GPD2: variants seen among roughly 807,000 people sequenced by gnomAD.
The protein encoded by GPD2 is glycerol-3-phosphate dehydrogenase 2, also known as glycerol-3-phosphate dehydrogenase, mitochondrial.
GPD2 carries 54 observed loss-of-function variants against 82.4 expected under a neutral mutation model. The ratio of observed to expected loss-of-function variants is 0.66; its 90% CI spans 0.53 to 0.82. The LOEUF (loss-of-function observed/expected upper bound fraction) is 0.82. GPD2 is among the 40% of genes least tolerant of loss of function. The probability of loss-of-function intolerance (pLI) is 0.00; values close to 1 mark genes in which losing one functional copy is unlikely to be tolerated. For synonymous variants in GPD2, 288 were observed against 306.1 expected, an observed-to-expected ratio of 0.94 and a Z score of 0.62; for missense variants, 748 against 896.2, an observed-to-expected ratio of 0.83 and a Z score of 2.11.
intron 1 of GPD2, among the ~76,000 whole-genome samples, chr2:156,454,848 T>A (rs1682733212): frequency 6.6e-6 from 1 of 152,056 alleles, no homozygotes; most frequent in Non-Finnish European, 1.5e-5. Context: ...TGTTGCTTAG[T>A]GGCCAGGGGT....
chr2:156,425,155 G>C, the GPD2 span, among the ~76,000 whole-genome samples: 1 of 151,080 alleles, frequency 6.6e-6, no homozygotes, highest in Non-Finnish European at 1.5e-5. Flanking sequence ...GGAGTGCAGT[G>C]GTGTAATCCT....
At chr2:156,497,963 A>G (rs1477404579) in intron 3 of GPD2, among the ~76,000 whole-genome samples, 1 of 152,174 alleles carries the variant, frequency 6.6e-6, no homozygotes, top group African/African-American at 2.4e-5. Flanking sequence ...AGGCCTGGGA[A>G]AGAAGGTGGA....
At chr2:156,496,447 A>G (rs1684383745) in intron 3 of GPD2, among the ~76,000 whole-genome samples, 1 of 151,060 alleles carries the variant, frequency 6.6e-6, no homozygotes, top group Admixed American at 6.6e-5. Context: ...ATGTGTTCCC[A>G]TTGTTCAGCT....
intron 3 of GPD2, among the ~76,000 whole-genome samples, chr2:156,497,004 T>C (rs1221088813): frequency 1.3e-5 from 2 of 152,184 alleles, no homozygotes; most frequent in Non-Finnish European, 2.9e-5. Context: ...AAACGAGACA[T>C]GTAATGAAAG....
rs113791178 is a variant in GPD2, at chr2:156,575,336, G to A, written c.1768-3553G>A. 6.6e-5 allele frequency among the ~76,000 whole-genome samples: 10 copies of A among 151,898 alleles called. 1 individual carries two copies. The highest frequency in any genetic ancestry group is 1.9e-4 in the African/African-American group (8 of 41,434). ...GCATTTATCAAGAAATAGTGATCACGGAAGCTAGTAAGGAATCACTTAGGC... is the reference window on the plus strand; with the variant it reads ...GCATTTATCAAGAAATAGTGATCACAGAAGCTAGTAAGGAATCACTTAGGC... On this transcript the variant is annotated intron_variant, in intron 13 of 16. Coordinates refer to ENST00000438166, the MANE Select transcript of GPD2 (RefSeq NM_000408.5).
intron 1 of GPD2, among the ~76,000 whole-genome samples, chr2:156,446,500 A>G (rs1242616862): frequency 6.6e-6 from 1 of 152,120 alleles, no homozygotes; most frequent in Non-Finnish European, 1.5e-5. Context: ...TGGCACATGT[A>G]GTCTAGCTGC....
intron 9 of GPD2, among the ~76,000 whole-genome samples, chr2:156,565,537 C>T (rs1464329308): frequency 6.6e-6 from 1 of 152,072 alleles, no homozygotes; most frequent in East Asian, 1.9e-4. Context: ...GTATTGTCTC[C>T]AGTTAGTAAG....
chr2:156,462,435 A>G (rs569899048), intron 1 of GPD2, among the ~76,000 whole-genome samples: 131 of 149,922 alleles, frequency 8.7e-4, no homozygotes, highest in African/African-American at 3.1e-3. Flanking sequence ...CCAGGCATGC[A>G]ACACCACACC....
intron 2 of GPD2, among the ~76,000 whole-genome samples, chr2:156,480,379 A>C (rs1419235395): frequency 6.6e-6 from 1 of 152,150 alleles, no homozygotes; most frequent in East Asian, 1.9e-4. Context: ...CAGGGATTTC[A>C]CACGGGGCTA....
chr2:156,556,797 G>A (rs1367774733), intron 8 of GPD2, among the ~76,000 whole-genome samples: 5 of 152,016 alleles, frequency 3.3e-5, no homozygotes, highest in African/African-American at 4.8e-5. Flanking sequence ...TTGTAACCTC[G>A]AAATAAAGTA....
In GPD2 at chr2:156,557,388, GC is replaced by G; in HGVS notation, c.974del (p.Pro325GlnfsTer25). ...GVHIVMPGYY[S>X]PESMGLLDPA... Reference sequence around the variant, plus strand: ...ATAAATAATCCTTCTTTGTATCTCAGCCCAGAGAGCATGGGACTTCTTGACC... The same window carrying G: ...ATAAATAATCCTTCTTTGTATCTCAGCCAGAGAGCATGGGACTTCTTGACC... On this transcript the variant is annotated frameshift_variant and splice_region_variant, in exon 9 of 17. Coordinates refer to ENST00000438166, the MANE Select transcript of GPD2 (RefSeq NM_000408.5). LOFTEE classifies it high-confidence loss of function. 1 of 1,575,054 alleles carries G rather than the reference GC, an allele frequency of 6.3e-7. No individual in the cohort carries two copies. The highest frequency in any genetic ancestry group is 8.7e-7 in the Non-Finnish European group (1 of 1,145,100).
chr2:156,579,568 C>A, intron 15 of GPD2, 122 bp from the exon 16 acceptor site: 1 of 668,042 alleles, frequency 1.5e-6, no homozygotes, highest in Non-Finnish European at 2.8e-6. Context: ...CTGACCTCAA[C>A]TAATCTGCCT....
In GPD2 at chr2:156,584,880, C is replaced by A. The variant is rs1266242639; in HGVS notation, c.*1962C>A. On this transcript the variant is annotated 3_prime_UTR_variant, in exon 17 of 17. Coordinates refer to ENST00000438166, the MANE Select transcript of GPD2 (RefSeq NM_000408.5). The stretch of plus-strand genomic sequence containing the variant: ...GTGCTCTCTCTCTCTGTTTTTCTCT[C>A]TTTCTCTTTCTAGTTAGATCAAGAT... 1 of 152,230 alleles carries A rather than the reference C, an allele frequency of 6.6e-6. No individual in the cohort carries two copies. Among genetic ancestry groups the A allele is most frequent in the Non-Finnish European group, 1.5e-5 (1 of 67,928 alleles). 9.4% of individuals were successfully genotyped at this position (152,230 alleles called of 1,614,324 possible).
upstream of GPD2, among the ~76,000 whole-genome samples, chr2:156,434,199 G>C (rs998395635): frequency 6.6e-6 from 1 of 152,106 alleles, no homozygotes; most frequent in Non-Finnish European, 1.5e-5. Flanking sequence ...TGCCTCCCAG[G>C]TTCAAGTGAT....
At chr2:156,418,087 TGCCTGTAGTCCCA>T in the GPD2 span, among the ~76,000 whole-genome samples, 2 of 152,036 alleles carry the variant, frequency 1.3e-5, no homozygotes, top group Non-Finnish European at 2.9e-5. Flanking sequence ...TGGTGGCACG[TGCCTGTAGTCCCA>T]GCTACTCGGG....
At chr2:156,403,396 C>G in the GPD2 span, among the ~76,000 whole-genome samples, 1 of 152,016 alleles carries the variant, frequency 6.6e-6, no homozygotes, top group Non-Finnish European at 1.5e-5. Flanking sequence ...TCTCTCTTAC[C>G]CTTTCTCCTT....
At chr2:156,554,718 C>T (rs1344318913) in intron 8 of GPD2, among the ~76,000 whole-genome samples, 1 of 152,130 alleles carries the variant, frequency 6.6e-6, no homozygotes, top group Non-Finnish European at 1.5e-5. Context: ...ATACACCAAA[C>T]GACTGAAATA....
At chr2:156,452,288 C>G (rs1362366535) in intron 1 of GPD2, among the ~76,000 whole-genome samples, 2 of 152,262 alleles carry the variant, frequency 1.3e-5, no homozygotes, top group African/African-American at 4.8e-5. Context: ...GAACCAGACT[C>G]CGTCTGCAAT....
intron 9 of GPD2, 98 bp downstream of exon 9, chr2:156,557,680 T>C (rs1687015094): frequency 2.6e-6 from 2 of 767,080 alleles, no homozygotes; most frequent in Non-Finnish European, 2.3e-6. Flanking sequence ...GTCTGACTCA[T>C]CTTCACACTT....
Sources: allele counts gnomAD v4.1 joint callset (sites outside exome capture counted in the v4.1 genomes callset), GRCh38; gene constraint gnomAD v4.1.1; transcripts MANE v1.5; gene names NCBI Gene and HGNC (gene_info 2026-07-23, HGNC 2026-07-21).